The following ZNF804A variants were observed in gnomAD, a reference collection of about 807,000 sequenced individuals.
ZNF804A encodes zinc finger protein 804A.
A neutral mutation model predicts 16.5 loss-of-function variants in ZNF804A; 2 were observed. The ratio of observed to expected loss-of-function variants is 0.12; its 90% confidence interval spans 0.05 to 0.38. The LOEUF is 0.38. Ranked by LOEUF, ZNF804A falls within the 10% of genes least tolerant of loss-of-function variation. ZNF804A has a pLI of 0.99. For missense variants in ZNF804A, 1,473 were observed against 1,390.7 expected (o/e 1.06, Z -0.94); for synonymous variants, 534 against 489.6 (o/e 1.09, Z -1.20).
chr2:184,768,417 T>A (rs1206265418), intron 1 of ZNF804A, among the ~76,000 whole-genome samples: 2 of 152,024 alleles, frequency 1.3e-5, no homozygotes, highest in African/African-American at 4.8e-5. Context: ...AAATACATCC[T>A]TTGAAGATCT....
At chr2:184,688,700 A>G (rs189216991) in intron 1 of ZNF804A, among the ~76,000 whole-genome samples, 3 of 152,176 alleles carry the variant, frequency 2.0e-5, no homozygotes, top group Non-Finnish European at 4.4e-5. Flanking sequence ...TTGAATGAGA[A>G]AAGTATTATG....
intron 2 of ZNF804A, among the ~76,000 whole-genome samples, chr2:184,893,264 G>T (rs1225788461): frequency 1.3e-5 from 2 of 151,920 alleles, no homozygotes; most frequent in African/African-American, 4.8e-5. Flanking sequence ...AATTTGGTAA[G>T]GTAACTTGAT....
chr2:184,670,153 G>C (rs1361958849), intron 1 of ZNF804A, among the ~76,000 whole-genome samples: 2 of 151,864 alleles, frequency 1.3e-5, no homozygotes, highest in Non-Finnish European at 2.9e-5. Context: ...CAGCCTAATT[G>C]CTATTCCTTT....
chr2:184,823,367 T>A (rs1695112253), intron 1 of ZNF804A, among the ~76,000 whole-genome samples: 1 of 152,110 alleles, frequency 6.6e-6, no homozygotes, highest in Admixed American at 6.6e-5. Flanking sequence ...TTAACATAAA[T>A]TTTGAAGGGG....
At chr2:184,705,765 T>A (rs2105733828) in intron 1 of ZNF804A, among the ~76,000 whole-genome samples, 1 of 152,230 alleles carries the variant, frequency 6.6e-6, no homozygotes, top group Middle Eastern at 3.4e-3. Flanking sequence ...TGAATACGCA[T>A]CTTGGCAAAT....
At chr2:184,708,327 C>T (rs527375872) in intron 1 of ZNF804A, among the ~76,000 whole-genome samples, 3 of 152,050 alleles carry the variant, frequency 2.0e-5, no homozygotes, top group East Asian at 3.9e-4. Flanking sequence ...AAAAAAAGAG[C>T]CTGAATAGCC....
intron 1 of ZNF804A, among the ~76,000 whole-genome samples, chr2:184,745,135 T>A (rs558543760): frequency 1.3e-5 from 2 of 151,970 alleles, no homozygotes; most frequent in African/African-American, 4.8e-5. Context: ...GTATTATACC[T>A]ATTTTTACAT....
At chr2:184,829,415 A>G (rs555131057) in intron 1 of ZNF804A, among the ~76,000 whole-genome samples, 5 of 152,100 alleles carry the variant, frequency 3.3e-5, no homozygotes, top group South Asian at 2.1e-4. Context: ...GTCATTTTAA[A>G]TATAAGAGTA....
chr2:184,671,359 A>T (rs1692337050), intron 1 of ZNF804A, among the ~76,000 whole-genome samples: 3 of 152,204 alleles, frequency 2.0e-5, no homozygotes, highest in African/African-American at 7.2e-5. Flanking sequence ...AACTCTAGCC[A>T]GGGACCAGTG....
intron 1 of ZNF804A, among the ~76,000 whole-genome samples, chr2:184,681,940 G>T (rs113698591): frequency 1.2e-4 from 19 of 152,212 alleles, no homozygotes; most frequent in African/African-American, 3.6e-4. Flanking sequence ...CAATTTCGGA[G>T]CACATATTAA....
chr2:184,842,533 G>A (rs1237751965), intron 1 of ZNF804A, among the ~76,000 whole-genome samples: 2 of 151,294 alleles, frequency 1.3e-5, no homozygotes, highest in Non-Finnish European at 2.9e-5. Flanking sequence ...TAAAAAAAAA[G>A]GAAATTTATG....
chr2:184,700,124 A>G (rs904823315), intron 1 of ZNF804A, among the ~76,000 whole-genome samples: 6 of 152,136 alleles, frequency 3.9e-5, no homozygotes, highest in Non-Finnish European at 8.8e-5. Context: ...TTATAAGAAT[A>G]ACATTAATAT....
At chr2:184,664,827 A>T (rs1168899864) in intron 1 of ZNF804A, among the ~76,000 whole-genome samples, 1 of 152,100 alleles carries the variant, frequency 6.6e-6, no homozygotes, top group Admixed American at 6.6e-5. Context: ...TCTTGTAGGC[A>T]TGGTTTTTAT....
At chr2:184,612,868 T>C (rs1691260832) in intron 1 of ZNF804A, among the ~76,000 whole-genome samples, 1 of 152,202 alleles carries the variant, frequency 6.6e-6, no homozygotes, top group South Asian at 2.1e-4. Context: ...TCTATTTCCA[T>C]ATTATTCCAC....
intron 1 of ZNF804A, among the ~76,000 whole-genome samples, chr2:184,818,161 A>G (rs1279660208): frequency 6.6e-6 from 1 of 152,076 alleles, no homozygotes; most frequent in Non-Finnish European, 1.5e-5. Context: ...ATAGAGAGAA[A>G]GAACAGGTAA....
intron 1 of ZNF804A, among the ~76,000 whole-genome samples, chr2:184,791,149 A>T (rs1574214141): frequency 6.6e-6 from 1 of 152,068 alleles, no homozygotes; most frequent in East Asian, 1.9e-4. Context: ...GTATCTTTTT[A>T]GTGGGGAATT....
intron 1 of ZNF804A, among the ~76,000 whole-genome samples, chr2:184,710,725 C>A (rs992250576): frequency 1.3e-5 from 2 of 151,746 alleles, no homozygotes; most frequent in Non-Finnish European, 3.0e-5. Context: ...ATGAATTTGA[C>A]TGTGTTAGAT....
intron 1 of ZNF804A, among the ~76,000 whole-genome samples, chr2:184,647,418 T>C (rs1455590914): frequency 6.6e-6 from 1 of 152,124 alleles, no homozygotes; most frequent in Non-Finnish European, 1.5e-5. Context: ...TTATAAATGA[T>C]GGATAAAGAT....
At chr2:184,650,157 A>G (rs1464953822) in intron 1 of ZNF804A, among the ~76,000 whole-genome samples, 1 of 152,142 alleles carries the variant, frequency 6.6e-6, no homozygotes, top group Non-Finnish European at 1.5e-5. Context: ...GGGTCAATAT[A>G]CACAAATCAA....
Sources: gnomAD v4.1 joint callset for allele counts (sites outside exome capture counted in the v4.1 genomes callset) on GRCh38, gnomAD v4.1.1 for gene constraint, MANE v1.5 for transcripts, NCBI Gene and HGNC (gene_info 2026-07-23, HGNC 2026-07-21) for gene names.